PDE9A: variants seen among roughly 807,000 people sequenced by gnomAD.
PDE9A encodes phosphodiesterase 9A.
A neutral mutation model predicts 87.4 loss-of-function variants in PDE9A; 60 were observed. The observed-to-expected ratio is 0.69, with a 90% CI of 0.56 to 0.85. The LOEUF (loss-of-function observed/expected upper bound fraction) is 0.85, where lower values mean the gene tolerates loss of function less well. Among genes scored for constraint, PDE9A ranks in the 40% least tolerant of loss-of-function variants. The pLI is 0.00. For missense variants in PDE9A, 665 were observed against 779.0 expected (o/e 0.85, Z 1.74); for synonymous variants, 272 against 279.4 (o/e 0.97, Z 0.27).
intron 3 of PDE9A, among the ~76,000 whole-genome samples, chr21:42,693,743 C>T (rs970045101): frequency 3.9e-5 from 6 of 151,978 alleles, no homozygotes; most frequent in Admixed American, 6.6e-5. Context: ...CAGGCATGCA[C>T]GACCACACCT....
intron 4 of PDE9A, among the ~76,000 whole-genome samples, chr21:42,715,898 C>G (rs1602230430): frequency 2.0e-5 from 3 of 149,722 alleles, no homozygotes; most frequent in East Asian, 2.0e-4. Context: ...TTCAAAACCC[C>G]CTGTGCGCCA....
intron 4 of PDE9A, among the ~76,000 whole-genome samples, chr21:42,711,262 T>TG (rs916836411): frequency 1.5e-4 from 22 of 151,576 alleles, no homozygotes; most frequent in Non-Finnish European, 2.7e-4. Flanking sequence ...AGTTTTGTTT[T>TG]TTTTTTTTTT....
chr21:42,699,916 A>G (rs1425066055), intron 4 of PDE9A, among the ~76,000 whole-genome samples: 5 of 152,166 alleles, frequency 3.3e-5, no homozygotes, highest in African/African-American at 1.2e-4. Flanking sequence ...TTTATACATC[A>G]TAAAATGCCA....
intron 3 of PDE9A, chr21:42,689,844 G>C (rs989586817): frequency 1.0e-6 from 1 of 985,370 alleles, no homozygotes; most frequent in Non-Finnish European, 1.2e-6. Flanking sequence ...CATGGCAGTG[G>C]ACGTGGACAG....
At chr21:42,743,587 A>C (rs1461041153) in intron 7 of PDE9A, among the ~76,000 whole-genome samples, 189 bp from the exon 8 acceptor site, 1 of 152,196 alleles carries the variant, frequency 6.6e-6, no homozygotes, top group Admixed American at 6.5e-5. Flanking sequence ...GGATAGAGTC[A>C]GTTGTGGCTG....
At chr21:42,748,714 C>T (rs2054127715) in intron 8 of PDE9A, among the ~76,000 whole-genome samples, 1 of 152,128 alleles carries the variant, frequency 6.6e-6, no homozygotes, top group African/African-American at 2.4e-5. Flanking sequence ...ACAACTAAAA[C>T]ATGCGTTGTG....
intron 7 of PDE9A, among the ~76,000 whole-genome samples, chr21:42,735,493 T>C (rs1160662307): frequency 6.6e-6 from 1 of 152,214 alleles, no homozygotes; most frequent in Non-Finnish European, 1.5e-5. Context: ...GGCATGAGCA[T>C]GACTGGCTAT....
chr21:42,731,257 G>A lies in PDE9A; in HGVS notation c.263-513G>A, dbSNP rs749908614. Among the ~76,000 whole-genome samples the A allele has an allele frequency of 3.9e-5, 6 of 152,130 alleles. No individual in the cohort carries two copies. In the East Asian group the frequency reaches 5.8e-4, roughly 15 times the overall value. Reference sequence around the variant, plus strand: ...ACAGGCGTGAGCCACTGCGCCCAGCGCAGCTTTGGTTTTATTTGTTTTGTT... The same window carrying A: ...ACAGGCGTGAGCCACTGCGCCCAGCACAGCTTTGGTTTTATTTGTTTTGTT... On this transcript the variant is annotated intron_variant, in intron 4 of 19. Transcript: ENST00000291539.
At chr21:42,677,075 G>A (rs1174961040) in intron 1 of PDE9A, among the ~76,000 whole-genome samples, 3 of 152,160 alleles carry the variant, frequency 2.0e-5, no homozygotes, top group Non-Finnish European at 4.4e-5. Flanking sequence ...AAGACAGGCT[G>A]CCCTTCTCTC....
chr21:42,685,526 G>T (rs1360046092), intron 1 of PDE9A, among the ~76,000 whole-genome samples: 2 of 146,020 alleles, frequency 1.4e-5, no homozygotes, highest in East Asian at 4.1e-4. Context: ...GAGTGCAATG[G>T]TGCGATCTCG....
At chr21:42,703,388 G>A (rs918505456) in intron 4 of PDE9A, among the ~76,000 whole-genome samples, 3 of 152,228 alleles carry the variant, frequency 2.0e-5, no homozygotes, top group Admixed American at 2.0e-4. Context: ...CCCATCCGTG[G>A]GAGAAGGACG....
At chr21:42,672,705 G>A (rs1046234637) in intron 1 of PDE9A, among the ~76,000 whole-genome samples, 8 of 152,342 alleles carry the variant, frequency 5.3e-5, no homozygotes, top group East Asian at 1.9e-4. Context: ...TTAACCCGTC[G>A]AGTTTGGTTT....
chr21:42,715,369 G>A (rs2049803953), intron 4 of PDE9A, among the ~76,000 whole-genome samples: 1 of 152,156 alleles, frequency 6.6e-6, no homozygotes. Context: ...GCTCACGCCT[G>A]TAATCACAGC....
chr21:42,672,016 A>AC (rs2145983220), intron 1 of PDE9A, among the ~76,000 whole-genome samples: 1 of 152,358 alleles, frequency 6.6e-6, no homozygotes, highest in African/African-American at 2.4e-5. Flanking sequence ...AAGCTGATAT[A>AC]AAAGCTTAAT....
At chr21:42,738,748 T>C (rs1412265109) in intron 7 of PDE9A, among the ~76,000 whole-genome samples, 4 of 152,178 alleles carry the variant, frequency 2.6e-5, no homozygotes, top group Non-Finnish European at 5.9e-5. Flanking sequence ...TGCAGTGGTG[T>C]GATCTTGGCC....
chr21:42,699,567 TA>T (rs10711885), intron 4 of PDE9A, among the ~76,000 whole-genome samples: 75,801 of 147,744 alleles, frequency 0.51, 20,105 homozygotes, highest in African/African-American at 0.68. Context: ...TTTTTTTTTT[TA>T]AAAAAAAACG....
At chr21:42,655,495 A>G (rs2056991890) in intron 1 of PDE9A, among the ~76,000 whole-genome samples, 1 of 152,084 alleles carries the variant, frequency 6.6e-6, no homozygotes, top group Non-Finnish European at 1.5e-5. Context: ...GGTTGGGGTG[A>G]TCTCCAGAAA....
chr21:42,671,482 G>A (rs930235249), intron 1 of PDE9A, among the ~76,000 whole-genome samples: 6 of 152,164 alleles, frequency 3.9e-5, no homozygotes, highest in African/African-American at 7.2e-5. Flanking sequence ...ATTGTCTGGC[G>A]GTTAACTGTA....
At chr21:42,767,540 C>G (rs1328269317) in intron 15 of PDE9A, among the ~76,000 whole-genome samples, 2 of 150,712 alleles carry the variant, frequency 1.3e-5, no homozygotes, top group African/African-American at 5.0e-5. Context: ...CCGAGCTGAA[C>G]TGAGCTGCTC....
Sources: allele counts gnomAD v4.1 joint callset (sites outside exome capture counted in the v4.1 genomes callset), GRCh38; gene constraint gnomAD v4.1.1; transcripts MANE v1.5; gene names NCBI Gene and HGNC (gene_info 2026-07-23, HGNC 2026-07-21).